The following JAM3 variants were observed in gnomAD, a reference collection of about 807,000 sequenced individuals.
JAM3 encodes the protein junctional adhesion molecule 3.
A neutral mutation model predicts 39.4 loss-of-function variants in JAM3; 31 were observed. The observed-to-expected ratio is 0.79, with a 90% CI of 0.59 to 1.06. JAM3 has a LOEUF of 1.06. JAM3 is among the 50% of genes least tolerant of loss of function. JAM3 has a pLI of 0.00. For synonymous variants in JAM3, 182 were observed against 148.7 expected, an observed-to-expected ratio of 1.22 and a Z score of -1.63; for missense variants, 455 against 391.4, an observed-to-expected ratio of 1.16 and a Z score of -1.37.
intron 1 of JAM3, among the ~76,000 whole-genome samples, chr11:134,079,977 T>C (rs951620977): frequency 2.6e-5 from 4 of 151,310 alleles, no homozygotes; most frequent in African/African-American, 9.9e-5. Context: ...TTTTGTTTGT[T>C]TGTTTTGTTT....
intron 1 of JAM3, among the ~76,000 whole-genome samples, chr11:134,079,916 G>A (rs1357326504): frequency 6.6e-6 from 1 of 152,168 alleles, no homozygotes; most frequent in African/African-American, 2.4e-5. Context: ...AACTTGGTTT[G>A]AAGCCTTCCT....
intron 1 of JAM3, among the ~76,000 whole-genome samples, chr11:134,127,557 G>A (rs764886203): frequency 9.9e-5 from 15 of 152,192 alleles, no homozygotes; most frequent in South Asian, 8.3e-4. Flanking sequence ...AAAATTAGCC[G>A]GACGTGGTGG....
chr11:134,120,845 C>T (rs556382178), intron 1 of JAM3, among the ~76,000 whole-genome samples: 4 of 152,332 alleles, frequency 2.6e-5, no homozygotes, highest in Admixed American at 6.5e-5. Flanking sequence ...CTAACATTAC[C>T]TCAATATCTG....
At chr11:134,134,940 C>T (rs1942836080) in intron 1 of JAM3, among the ~76,000 whole-genome samples, 1 of 151,874 alleles carries the variant, frequency 6.6e-6, no homozygotes, top group African/African-American at 2.4e-5. Flanking sequence ...TATTTTCTCC[C>T]ATTCTGTATG....
At chr11:134,093,018 C>T (rs1941900814) in intron 1 of JAM3, among the ~76,000 whole-genome samples, 3 of 144,770 alleles carry the variant, frequency 2.1e-5, no homozygotes, top group African/African-American at 7.8e-5. Flanking sequence ...CATGTCACTT[C>T]CTGAGGGAAG....
At chr11:134,148,724 AT>A (rs768122983) in intron 7 of JAM3, 39 bp from the exon 8 acceptor site, 14 of 1,613,994 alleles carry the variant, frequency 8.7e-6, no homozygotes, top group Non-Finnish European at 1.0e-5. Context: ...TGGCAATAAT[AT>A]AACAACCCTG....
chr11:134,115,337 T>C (rs1304304608), intron 1 of JAM3, among the ~76,000 whole-genome samples: 2 of 152,212 alleles, frequency 1.3e-5, no homozygotes, highest in African/African-American at 4.8e-5. Flanking sequence ...TTAATTGGGA[T>C]GTTTAGACTA....
rs534765644 is a variant in JAM3 at position 134,135,866 on chromosome 11, C to T, written c.77-3985C>T. 1.5e-3 allele frequency among the ~76,000 whole-genome samples: 223 copies of T among 152,130 alleles called. 1 individual carries two copies. The highest frequency in any genetic ancestry group is 2.5e-3 in the Non-Finnish European group (170 of 67,986). On this transcript the variant is annotated intron_variant, in intron 1 of 8. Coordinates refer to ENST00000299106, the MANE Select transcript of JAM3 (RefSeq NM_032801.5). ...GGTAGAACACCTGAGATCAGGAGTTCGAGACCAGTCTGGCCAACGTGGTGA... is the reference window on the plus strand; with the variant it reads ...GGTAGAACACCTGAGATCAGGAGTTTGAGACCAGTCTGGCCAACGTGGTGA...
intron 1 of JAM3, among the ~76,000 whole-genome samples, chr11:134,122,866 C>T (rs1411954528): frequency 1.3e-5 from 2 of 152,220 alleles, no homozygotes; most frequent in East Asian, 1.9e-4. Context: ...AACGCTACAG[C>T]CCACAATTGT....
chr11:134,109,553 A>T (rs960114271), intron 1 of JAM3, among the ~76,000 whole-genome samples: 2 of 152,260 alleles, frequency 1.3e-5, no homozygotes, highest in Admixed American at 1.3e-4. Flanking sequence ...GATCTGAGAC[A>T]GGTCTCAATC....
At chr11:134,089,325 T>C (rs1385744027) in intron 1 of JAM3, among the ~76,000 whole-genome samples, 7 of 152,294 alleles carry the variant, frequency 4.6e-5, no homozygotes, top group African/African-American at 1.4e-4. Context: ...CTTTTTTTTA[T>C]TATACTTTAA....
rs149250310 is a variant in JAM3 at position 134,111,471 on chromosome 11, A to C, written c.77-28380A>C. Among the ~76,000 whole-genome samples, 7 of 152,304 alleles carry C rather than the reference A, an allele frequency of 4.6e-5. 1 individual carries two copies. The East Asian group carries it at 1.3e-3, about 29-fold the overall frequency. ...GCATTCATTTTGTGCCATTATGCACAATCATAAGGGAAAAGAAAAGAGTCA... is the reference window on the plus strand; with the variant it reads ...GCATTCATTTTGTGCCATTATGCACCATCATAAGGGAAAAGAAAAGAGTCA... On this transcript the variant is annotated intron_variant, in intron 1 of 8. Transcript: ENST00000299106.
chr11:134,149,354 A>G lies in JAM3; in HGVS notation c.*173A>G, dbSNP rs572132156. On this transcript the variant is annotated 3_prime_UTR_variant, in exon 9 of 9. Coordinates refer to ENST00000299106, the MANE Select transcript of JAM3 (RefSeq NM_032801.5). ...CTTCTTACTCTAACAAGCCACATGA[A>G]TAGAAGAATTTTCCTCAAGATGGAC... 2.8e-6 allele frequency: 2 copies of G among 724,028 alleles called. No homozygotes were observed. Among genetic ancestry groups the G allele is most frequent in the Non-Finnish European group, 4.7e-6 (2 of 422,670 alleles). The allele number at this position is 724,028 out of a possible 1,614,324, so 44.9% of individuals were successfully genotyped here.
At chr11:134,077,941 C>T (rs544143905) in intron 1 of JAM3, among the ~76,000 whole-genome samples, 25 of 151,986 alleles carry the variant, frequency 1.6e-4, no homozygotes, top group Non-Finnish European at 2.4e-4. Context: ...CGTGAGGCAC[C>T]GCGCCCGGCC....
intron 1 of JAM3, among the ~76,000 whole-genome samples, chr11:134,078,401 T>G (rs1941608280): frequency 6.6e-6 from 1 of 152,190 alleles, no homozygotes; most frequent in Non-Finnish European, 1.5e-5. Context: ...ATTACAGGTG[T>G]GAGCCACCGC....
intron 1 of JAM3, among the ~76,000 whole-genome samples, chr11:134,116,308 G>A (rs1029534873): frequency 2.6e-5 from 4 of 152,046 alleles, no homozygotes; most frequent in Non-Finnish European, 4.4e-5. Context: ...TATTACTATG[G>A]TGTTCTAATG....
chr11:134,113,767 C>T lies in JAM3; in HGVS notation c.77-26084C>T, dbSNP rs181561397. 3.3e-5 allele frequency among the ~76,000 whole-genome samples: 5 copies of T among 152,342 alleles called. 1 individual carries two copies. The highest frequency in any genetic ancestry group is 1.2e-4 in the African/African-American group (5 of 41,582). ...GTTCTAGATCCCTGAGGAATCGCCA[C>T]ACTGTCTTCCACAACGGTTGAACTA... On this transcript the variant is annotated intron_variant, in intron 1 of 8. Coordinates refer to ENST00000299106, the MANE Select transcript of JAM3 (RefSeq NM_032801.5).
chr11:134,145,049 G>GTCTTT, intron 5 of JAM3, 55 bp downstream of exon 5: 9 of 1,382,442 alleles, frequency 6.5e-6, no homozygotes, highest in Non-Finnish European at 8.3e-6. Flanking sequence ...GGCAAGAGAT[G>GTCTTT]CTTATTGTGA....
intron 1 of JAM3, among the ~76,000 whole-genome samples, chr11:134,089,643 A>G (rs1048231098): frequency 3.3e-5 from 5 of 152,102 alleles, no homozygotes; most frequent in Non-Finnish European, 7.4e-5. Context: ...TGAACTCATC[A>G]TTTTTTATGG....
Sources: allele counts gnomAD v4.1 joint callset (sites outside exome capture counted in the v4.1 genomes callset), GRCh38; gene constraint gnomAD v4.1.1; transcripts MANE v1.5; gene names NCBI Gene and HGNC (gene_info 2026-07-23, HGNC 2026-07-21).